EPRS1: variants seen among roughly 807,000 people sequenced by gnomAD.
EPRS1 encodes the protein bifunctional glutamate/proline--tRNA ligase.
EPRS1 carries 107 observed loss-of-function variants against 188.3 expected under a neutral mutation model. The observed-to-expected ratio is 0.57, with a 90% CI of 0.49 to 0.67. The LOEUF is 0.67. Ranked by LOEUF, EPRS1 falls within the 30% of genes least tolerant of loss-of-function variation. EPRS1 has a pLI of 0.00. For synonymous variants in EPRS1, 596 were observed against 593.1 expected (o/e 1.00, Z -0.07); for missense variants, 1,577 against 1,802.2 (o/e 0.88, Z 2.26).
At chr1:220,036,960 C>G (rs1662193304) in intron 2 of EPRS1, among the ~76,000 whole-genome samples, 1 of 150,770 alleles carries the variant, frequency 6.6e-6, no homozygotes, top group African/African-American at 2.4e-5. Context: ...ACATAATAGC[C>G]AAAATTAAAA....
At position 219,995,031 on chromosome 1, in the gene EPRS1, A is replaced by G. The variant is rs529606462; in HGVS notation, c.2541+1952T>C. On this transcript the variant is annotated intron_variant, in intron 18 of 31. Coordinates refer to ENST00000366923, the MANE Select transcript of EPRS1 (RefSeq NM_004446.3). ...TTAAAGTCTCAGTTTCCAAGAACCT[A>G]TGAACAATATTAAGACTTACTATAT... is the stretch of plus-strand genomic sequence containing the variant. Among the ~76,000 whole-genome samples, 663 of 152,296 alleles carry G rather than the reference A, an allele frequency of 4.4e-3. 6 individuals are homozygous for G. The highest frequency in any genetic ancestry group is 8.1e-3 in the Non-Finnish European group (554 of 68,024).
At position 219,987,303 on chromosome 1, in the gene EPRS1, C is replaced by T. The variant is rs1286011998; in HGVS notation, c.2877G>A (p.Glu959=). Residue 959 remains glutamate (E), a synonymous_variant, in exon 20 of 32, where the codon GAG becomes GAA. Transcript: ENST00000366923. ...EYKPVSATGA[E]DKDKKKKEKE... is the part of the protein sequence containing the mutation. Reference sequence around the variant, plus strand: ...TTTCTTTCTTCTTCTTATCTTTGTCCTCAGCTCCAGTGGCCGACACAGGCT... The same window carrying T: ...TTTCTTTCTTCTTCTTATCTTTGTCTTCAGCTCCAGTGGCCGACACAGGCT... The T allele has an allele frequency of 1.5e-5, 24 of 1,613,888 alleles. No homozygotes were observed. Among genetic ancestry groups the T allele is most frequent in the Non-Finnish European group, 1.9e-5 (23 of 1,179,952 alleles).
chr1:219,983,094 C>T, intron 22 of EPRS1, 95 bp downstream of exon 22: 1 of 1,019,644 alleles, frequency 9.8e-7, no homozygotes, highest in East Asian at 2.4e-5. Context: ...ATAAAAATGG[C>T]TTTATATTTT....
intron 12 of EPRS1, among the ~76,000 whole-genome samples, chr1:220,013,801 G>T (rs76523895): frequency 1.3e-5 from 2 of 152,094 alleles, no homozygotes; most frequent in African/African-American, 2.4e-5. Context: ...ATGAAGGCCA[G>T]CAATAGAAAC....
intron 28 of EPRS1, among the ~76,000 whole-genome samples, chr1:219,975,140 T>C (rs1660752457): frequency 6.6e-6 from 1 of 151,976 alleles, no homozygotes; most frequent in South Asian, 2.1e-4. Context: ...GATCCTACAC[T>C]GAAAAAGGAG....
intron 1 of EPRS1, among the ~76,000 whole-genome samples, chr1:220,040,993 C>A (rs899673630): frequency 2.6e-5 from 4 of 151,330 alleles, no homozygotes; most frequent in Admixed American, 2.6e-4. Context: ...AGTCACTATG[C>A]CAAATGCTTT....
Position 219,996,989 on chromosome 1 carries a change from G to A in EPRS1, c.2535C>T (p.Ser845=). The A allele has an allele frequency of 2.5e-6, 4 of 1,593,952 alleles. No homozygotes were observed. Among genetic ancestry groups the A allele is most frequent in the Non-Finnish European group, 3.4e-6 (4 of 1,172,626 alleles). ...EVVRKLKAEK[S]PKAKINEAVE... ...CTTTCTCTAACATACTGACCTTAGG[G>A]GATTTTTCAGCTTTTAGCTTACGAA... is the stretch of plus-strand genomic sequence containing the variant. The change falls in exon 18 of 32, where the codon TCC becomes TCT. Residue 845 remains serine (S), a synonymous_variant. Coordinates refer to ENST00000366923, the MANE Select transcript of EPRS1 (RefSeq NM_004446.3).
chr1:220,019,913 T>C, intron 10 of EPRS1, 75 bp downstream of exon 10: 1 of 978,956 alleles, frequency 1.0e-6, no homozygotes, highest in Non-Finnish European at 1.6e-6. Flanking sequence ...ACCTTCCCTA[T>C]CTCTCAAGCA....
intron 2 of EPRS1, among the ~76,000 whole-genome samples, chr1:220,036,710 A>C (rs1662187542): frequency 6.6e-6 from 1 of 152,140 alleles, no homozygotes; most frequent in South Asian, 2.1e-4. Context: ...GGAGAAGAGC[A>C]GAAGAAATAA....
chr1:220,020,069 T>C lies in EPRS1; in HGVS notation c.1268A>G (p.Tyr423Cys), dbSNP rs777029714. Reference sequence around the variant, plus strand: ...TGTGTTGTTGAGATTTAGCCGACTATATTCCCAAATATATGGTTTTCTTAT... The same window carrying C: ...TGTGTTGTTGAGATTTAGCCGACTACATTCCCAAATATATGGTTTTCTTAT... ...LGIRKPYIWE[Y>C]SRLNLNNTVL... The change falls in exon 10 of 32, where the codon TAT becomes TGT. Residue 423 changes from tyrosine to cysteine, a missense_variant. This residue lies in a region of EPRS1 where 1,278 missense variants were observed against 1,457.4 expected (regional missense o/e 0.88). Transcript: ENST00000366923. The C allele has an allele frequency of 6.8e-6, 11 of 1,614,016 alleles. No individual in the cohort carries two copies. The highest frequency in any genetic ancestry group is 1.3e-5 in the African/African-American group (1 of 74,948).
At chr1:220,021,897 G>C (rs952017855) in intron 9 of EPRS1, among the ~76,000 whole-genome samples, 1 of 151,476 alleles carries the variant, frequency 6.6e-6, no homozygotes, top group Non-Finnish European at 1.5e-5. Flanking sequence ...TTAAAACAAA[G>C]ATTCGTTAAC....
Position 219,980,749 on chromosome 1 carries a change from T to C in EPRS1, c.3555+7A>G, listed in dbSNP as rs1401833294. The stretch of plus-strand genomic sequence containing the variant: ...ACATAGTTAATATGGAAAATAACTT[T>C]TTATACCTCTTCCGCTGCCTCTTCC... On this transcript the variant is annotated splice_region_variant and intron_variant, in intron 25 of 31. Coordinates refer to ENST00000366923, the MANE Select transcript of EPRS1 (RefSeq NM_004446.3). The C allele has an allele frequency of 6.9e-6, 11 of 1,593,106 alleles. No homozygotes were observed. The highest frequency in any genetic ancestry group is 9.5e-6 in the Non-Finnish European group (11 of 1,163,094).
chr1:219,992,604 C>T (rs1661144887), intron 18 of EPRS1, among the ~76,000 whole-genome samples: 1 of 152,152 alleles, frequency 6.6e-6, no homozygotes, highest in Admixed American at 6.5e-5. Context: ...ACGATATGTA[C>T]ACCATGAGTG....
chr1:220,023,838 T>C (rs1333864987), intron 8 of EPRS1, among the ~76,000 whole-genome samples: 1 of 152,028 alleles, frequency 6.6e-6, no homozygotes, highest in Non-Finnish European at 1.5e-5. Flanking sequence ...GACAAATGAG[T>C]CATATACCCA....
At chr1:219,993,842 A>G (rs1308797177) in intron 18 of EPRS1, among the ~76,000 whole-genome samples, 2 of 152,204 alleles carry the variant, frequency 1.3e-5, no homozygotes, top group Non-Finnish European at 2.9e-5. Context: ...TTACTTTCAT[A>G]TTCAGTTTCT....
At chr1:220,025,056 A>G (rs1243567166) in intron 7 of EPRS1, 76 bp downstream of exon 7, 1 of 1,384,812 alleles carries the variant, frequency 7.2e-7, no homozygotes, top group Non-Finnish European at 1.0e-6. Flanking sequence ...TTATTTTCAT[A>G]CCATGAAGGT....
chr1:219,984,658 T>C (rs1219875475), intron 20 of EPRS1, among the ~76,000 whole-genome samples: 1 of 152,132 alleles, frequency 6.6e-6, no homozygotes, highest in Non-Finnish European at 1.5e-5. Context: ...CCTGGCCTCA[T>C]GCAATCCTCC....
chr1:220,030,600 A>C, intron 5 of EPRS1, 120 bp from the exon 6 acceptor site: 9 of 699,720 alleles, frequency 1.3e-5, no homozygotes, highest in Non-Finnish European at 2.3e-5. Flanking sequence ...GATGACTAGA[A>C]CATCATCCCT....
Position 219,981,317 on chromosome 1 carries a change from T to TA in EPRS1, c.3453+60dup, listed in dbSNP as rs10595099. The stretch of plus-strand genomic sequence containing the variant: ...TTGAAAATAAAAACAAAATGTGCTT[T>TA]AAAAAAAAAAAAAAAAAGAACATGA... On this transcript the variant is annotated intron_variant, in intron 24 of 31. Transcript: ENST00000366923. The TA allele has an allele frequency of 3.7e-3, 3,620 of 968,326 alleles. 2 individuals are homozygous for TA. The highest frequency in any genetic ancestry group is 4.0e-3 in the Non-Finnish European group (2,708 of 682,248). 60.0% of individuals were successfully genotyped at this position (968,326 alleles called of 1,614,324 possible). A position where few individuals can be genotyped will look rare whatever the true frequency, so the allele number is the denominator to read the frequency against.
Sources: gnomAD v4.1 joint callset for allele counts (sites outside exome capture counted in the v4.1 genomes callset) on GRCh38, gnomAD v4.1.1 for gene constraint, gnomAD v4.1.1 regional missense constraint, MANE v1.5 for transcripts, NCBI Gene and HGNC (gene_info 2026-07-23, HGNC 2026-07-21) for gene names.